IQCM: variants seen among roughly 807,000 people sequenced by gnomAD.
IQCM encodes IQ motif containing M.
Under a neutral mutation model 57.6 loss-of-function variants are expected in IQCM, and 45 were observed. The observed-to-expected ratio is 0.78, with a 90% CI of 0.62 to 1.00. The LOEUF is 1.00. Ranked by LOEUF, IQCM falls within the 50% of genes least tolerant of loss-of-function variation. IQCM has a pLI of 0.00. For synonymous variants in IQCM, 148 were observed against 158.9 expected (o/e 0.93, Z 0.51); for missense variants, 468 against 511.6 (o/e 0.91, Z 0.82).
At chr4:149,787,788 C>G (rs935601760) in intron 2 of IQCM, among the ~76,000 whole-genome samples, 5 of 152,024 alleles carry the variant, frequency 3.3e-5, no homozygotes, top group Non-Finnish European at 7.4e-5. Context: ...GATTTTATGG[C>G]TAAGACCTCA....
At chr4:149,808,828 A>G (rs1460736214) in intron 2 of IQCM, among the ~76,000 whole-genome samples, 1 of 152,228 alleles carries the variant, frequency 6.6e-6, no homozygotes, top group Non-Finnish European at 1.5e-5. Context: ...TGACTGTAGT[A>G]TCTAAGTTTT....
intron 13 of IQCM, among the ~76,000 whole-genome samples, chr4:149,367,910 C>T (rs1729954529): frequency 6.6e-6 from 1 of 152,006 alleles, no homozygotes; most frequent in African/African-American, 2.4e-5. Context: ...AGCATCTTTG[C>T]ATATATTTGA....
At chr4:149,784,150 T>C (rs974379857) in intron 2 of IQCM, among the ~76,000 whole-genome samples, 1 of 152,210 alleles carries the variant, frequency 6.6e-6, no homozygotes, top group Non-Finnish European at 1.5e-5. Context: ...TTTCCTCCAA[T>C]GGCTTTCCGT....
chr4:149,441,181 T>G (rs1735905937), intron 12 of IQCM, among the ~76,000 whole-genome samples: 2 of 152,138 alleles, frequency 1.3e-5, no homozygotes, highest in Non-Finnish European at 2.9e-5. Context: ...TTCCAATAAC[T>G]TTAAAGAATG....
chr4:149,509,286 CT>C lies in IQCM; in HGVS notation c.1228+39168del, dbSNP rs918004636. ...TTTGACTTTTTCTTTTTTCTTTTTTCTTTTTTTTTGAGACAGGGTGTTGCTC... is the reference window on the plus strand; with the variant it reads ...TTTGACTTTTTCTTTTTTCTTTTTTCTTTTTTTTGAGACAGGGTGTTGCTC... On this transcript the variant is annotated intron_variant, in intron 12 of 13. Transcript: ENST00000636793. Among the ~76,000 whole-genome samples the C allele has an allele frequency of 1.2e-3, 186 of 150,498 alleles. 1 individual carries two copies. Among genetic ancestry groups the C allele is most frequent in the African/African-American group, 4.1e-3 (169 of 41,050 alleles).
intron 5 of IQCM, among the ~76,000 whole-genome samples, chr4:149,711,988 A>T (rs537071099): frequency 1.3e-5 from 2 of 152,308 alleles, no homozygotes; most frequent in East Asian, 3.9e-4. Context: ...AAGTGTCTCT[A>T]AAATAATGTT....
intron 9 of IQCM, among the ~76,000 whole-genome samples, chr4:149,565,169 A>C (rs1750497581): frequency 1.3e-5 from 2 of 152,252 alleles, no homozygotes; most frequent in African/African-American, 2.4e-5. Flanking sequence ...GTCTTGCCCC[A>C]AAAATGATCT....
intron 13 of IQCM, among the ~76,000 whole-genome samples, chr4:149,403,262 C>T (rs1433008707): frequency 6.6e-6 from 1 of 151,904 alleles, no homozygotes; most frequent in Non-Finnish European, 1.5e-5. Flanking sequence ...TTTCCTCTGG[C>T]ACAAGTTCCT....
chr4:149,455,760 G>A (rs1737628192), intron 12 of IQCM, among the ~76,000 whole-genome samples: 1 of 151,916 alleles, frequency 6.6e-6, no homozygotes, highest in Admixed American at 6.6e-5. Flanking sequence ...GAGGCCAGGA[G>A]TTTGAGAGCA....
At chr4:149,698,610 A>C (rs1362935329) in intron 5 of IQCM, among the ~76,000 whole-genome samples, 1 of 152,148 alleles carries the variant, frequency 6.6e-6, no homozygotes, top group Non-Finnish European at 1.5e-5. Context: ...TCAGAAATCT[A>C]AAAACATGAT....
At position 149,813,263 on chromosome 4, in the gene IQCM, G is replaced by A. The variant is rs1006239176; in HGVS notation, c.-49+2048C>T. Among the ~76,000 whole-genome samples, 3 of 152,154 alleles carry A rather than the reference G, an allele frequency of 2.0e-5. No individual in the cohort carries two copies. The East Asian group carries it at 5.8e-4, about 29-fold the overall frequency. On this transcript the variant is annotated intron_variant, in intron 2 of 13. Transcript: ENST00000636793. ...ATCTATCGTCTGAAAGAGGTTGTCA[G>A]TTTCCCACTCAAAGGTACATCTTGA...
At chr4:149,645,269 GTTC>G (rs1369415129) in intron 7 of IQCM, among the ~76,000 whole-genome samples, 4 of 152,126 alleles carry the variant, frequency 2.6e-5, no homozygotes, top group Non-Finnish European at 4.4e-5. Context: ...ATGAACAGAA[GTTC>G]TTAATTTTAA....
chr4:149,736,569 T>C (rs1363193794), intron 3 of IQCM, among the ~76,000 whole-genome samples: 3 of 152,112 alleles, frequency 2.0e-5, no homozygotes, highest in Non-Finnish European at 4.4e-5. Flanking sequence ...GAAGGTTTTC[T>C]CTACTCTTCA....
intron 2 of IQCM, among the ~76,000 whole-genome samples, chr4:149,754,923 A>C (rs1768822240): frequency 6.6e-6 from 1 of 152,156 alleles, no homozygotes; most frequent in South Asian, 2.1e-4. Context: ...TTACACATCA[A>C]AACTGAGTTC....
intron 2 of IQCM, among the ~76,000 whole-genome samples, chr4:149,763,848 C>CTT (rs551695129): frequency 6.7e-6 from 1 of 148,416 alleles, no homozygotes; most frequent in South Asian, 2.1e-4. Context: ...GAACAGGGAA[C>CTT]TTTTTTTTTT....
intron 13 of IQCM, among the ~76,000 whole-genome samples, chr4:149,409,633 G>C (rs1733230469): frequency 1.3e-5 from 2 of 152,170 alleles, no homozygotes; most frequent in African/African-American, 4.8e-5. Flanking sequence ...AGAAAGAATA[G>C]TGTGTGCAAA....
intron 13 of IQCM, among the ~76,000 whole-genome samples, chr4:149,410,705 C>T (rs1048161483): frequency 2.0e-5 from 3 of 151,584 alleles, no homozygotes; most frequent in African/African-American, 7.3e-5. Flanking sequence ...GACATTTAGG[C>T]TAAAATTAGT....
At chr4:149,415,285 T>C (rs911944794) in intron 13 of IQCM, among the ~76,000 whole-genome samples, 1 of 152,174 alleles carries the variant, frequency 6.6e-6, no homozygotes, top group Non-Finnish European at 1.5e-5. Context: ...TTCTTTGTAA[T>C]TGATGATACC....
At chr4:149,699,545 T>A (rs188678541) in intron 5 of IQCM, among the ~76,000 whole-genome samples, 1 of 151,782 alleles carries the variant, frequency 6.6e-6, no homozygotes, top group Non-Finnish European at 1.5e-5. Flanking sequence ...GAGGCATATA[T>A]CCCTAGTCAG....
Sources: allele counts gnomAD v4.1 joint callset (sites outside exome capture counted in the v4.1 genomes callset), GRCh38; gene constraint gnomAD v4.1.1; transcripts MANE v1.5; gene names NCBI Gene and HGNC (gene_info 2026-07-23, HGNC 2026-07-21).